Variants in PRORP observed in about 807,000 individuals in gnomAD.
PRORP encodes protein only RNase P catalytic subunit.
A neutral mutation model predicts 59.4 loss-of-function variants in PRORP; 51 were observed. The ratio of observed to expected loss-of-function variants is 0.86; its 90% confidence interval spans 0.69 to 1.08. PRORP has a LOEUF of 1.08. Among genes scored for constraint, PRORP ranks in the 50% least tolerant of loss-of-function variants. The pLI is 0.00. For missense variants in PRORP, 646 were observed against 690.3 expected (o/e 0.94, Z 0.72); for synonymous variants, 231 against 245.6 (o/e 0.94, Z 0.55).
At chr14:35,269,933 C>T (rs2051142864) in intron 6 of PRORP, among the ~76,000 whole-genome samples, 1 of 152,164 alleles carries the variant, frequency 6.6e-6, no homozygotes, top group African/African-American at 2.4e-5. Flanking sequence ...TGTCTAGAAG[C>T]TGCTCTGAAA....
chr14:35,248,820 CAA>C (rs2050544742), intron 5 of PRORP, among the ~76,000 whole-genome samples: 1 of 152,182 alleles, frequency 6.6e-6, no homozygotes, highest in African/African-American at 2.4e-5. Flanking sequence ...AAGAGAAAAA[CAA>C]GAGGAACGAA....
chr14:35,266,668 C>A, intron 5 of PRORP, 59 bp from the exon 6 acceptor site: 1 of 1,580,542 alleles, frequency 6.3e-7, no homozygotes, highest in Non-Finnish European at 8.6e-7. Flanking sequence ...GGAAAAATCA[C>A]TCCACTAATT....
chr14:35,159,338 A>G (rs2048002238), intron 4 of PRORP, among the ~76,000 whole-genome samples: 1 of 152,046 alleles, frequency 6.6e-6, no homozygotes, highest in Admixed American at 6.6e-5. Flanking sequence ...TCTAAAATAT[A>G]CTTCTACCTC....
chr14:35,241,143 C>T lies in PRORP; in HGVS notation c.1276-25584C>T, dbSNP rs577027750. Among the ~76,000 whole-genome samples, 3 of 152,158 alleles carry T rather than the reference C, an allele frequency of 2.0e-5. No homozygotes were observed. The East Asian group carries it at 5.8e-4, about 29-fold the overall frequency. On this transcript the variant is annotated intron_variant, in intron 5 of 7. Coordinates refer to ENST00000534898, the MANE Select transcript of PRORP (RefSeq NM_014672.4). ...CTGTAATCCTAGCACTTTGGGAGGC[C>T]AAGGCGGGAGCATCACTTGAGGTCA...
In PRORP at chr14:35,125,834, C is replaced by A. The variant is rs889498658; in HGVS notation, c.987-901C>A. ...GCCAGGAGTTGGAGACCAGCCTGGG[C>A]ATGGTGAAACCCTGTCTCTACAAAT... On this transcript the variant is annotated intron_variant, in intron 2 of 7. Coordinates refer to ENST00000534898, the MANE Select transcript of PRORP (RefSeq NM_014672.4). Among the ~76,000 whole-genome samples the A allele has an allele frequency of 1.2e-4, 18 of 152,210 alleles. 1 individual carries two copies. The highest frequency in any genetic ancestry group is 3.4e-3 in the Middle Eastern group (1 of 294).
Position 35,187,690 on chromosome 14 carries a change from A to G in PRORP, c.1275+6913A>G, listed in dbSNP as rs564899289. On this transcript the variant is annotated intron_variant, in intron 5 of 7. Transcript: ENST00000534898. Reference sequence around the variant, plus strand: ...GGTGATCTGCCTGCCTTGGCCTTCCAAAGTGCTGGGATTACAGGCGTGAGC... The same window carrying G: ...GGTGATCTGCCTGCCTTGGCCTTCCGAAGTGCTGGGATTACAGGCGTGAGC... Among the ~76,000 whole-genome samples the G allele has an allele frequency of 6.6e-5, 10 of 152,030 alleles. No individual in the cohort carries two copies. In the South Asian group the frequency reaches 2.1e-3, roughly 32 times the overall value.
At position 35,274,418 on chromosome 14, in the gene PRORP, C is replaced by T. The variant is rs965415297; in HGVS notation, c.*852C>T. On this transcript the variant is annotated 3_prime_UTR_variant, in exon 8 of 8. Transcript: ENST00000534898. ...TCCCCAGCAATTTGGGAGATTGAAG[C>T]GAGAGAATCACTTGAGTCTAGGAGT... is the stretch of plus-strand genomic sequence containing the variant. 6 of 151,014 alleles carry T rather than the reference C, an allele frequency of 4.0e-5. No homozygotes were observed. The highest frequency in any genetic ancestry group is 6.7e-5 in the Admixed American group (1 of 15,026). 9.4% of individuals were successfully genotyped at this position (151,014 alleles called of 1,614,324 possible).
intron 5 of PRORP, among the ~76,000 whole-genome samples, chr14:35,260,063 G>A (rs2050865856): frequency 7.0e-6 from 1 of 143,846 alleles, no homozygotes; most frequent in South Asian, 2.2e-4. Context: ...GCAGGCTGGA[G>A]TGCAGTGGCA....
chr14:35,160,195 A>T (rs2048022458), intron 4 of PRORP, among the ~76,000 whole-genome samples: 1 of 152,204 alleles, frequency 6.6e-6, no homozygotes, highest in South Asian at 2.1e-4. Context: ...ATTTGAGCTG[A>T]TGAATGTTCC....
At chr14:35,206,240 G>A (rs1198564438) in intron 5 of PRORP, among the ~76,000 whole-genome samples, 3 of 152,186 alleles carry the variant, frequency 2.0e-5, no homozygotes, top group African/African-American at 4.8e-5. Context: ...GGTGAAGAAG[G>A]TTTGTTTTTC....
At chr14:35,187,338 A>T (rs1277041417) in intron 5 of PRORP, among the ~76,000 whole-genome samples, 5 of 151,930 alleles carry the variant, frequency 3.3e-5, no homozygotes, top group African/African-American at 1.2e-4. Flanking sequence ...CTTTTTGATT[A>T]TAGTCATCCT....
At chr14:35,185,770 G>C (rs1474235521) in intron 5 of PRORP, among the ~76,000 whole-genome samples, 1 of 152,282 alleles carries the variant, frequency 6.6e-6, no homozygotes, top group Admixed American at 6.5e-5. Flanking sequence ...TGTGTAATAT[G>C]TCACCATGAG....
At chr14:35,138,903 G>T (rs2047427140) in intron 4 of PRORP, among the ~76,000 whole-genome samples, 1 of 144,770 alleles carries the variant, frequency 6.9e-6, no homozygotes, top group African/African-American at 2.4e-5. Flanking sequence ...TGAGTCTCCT[G>T]CCTCAGCCTC....
At chr14:35,181,798 A>G (rs1189810906) in intron 5 of PRORP, among the ~76,000 whole-genome samples, 2 of 151,306 alleles carry the variant, frequency 1.3e-5, no homozygotes, top group Non-Finnish European at 2.9e-5. Context: ...AAAAAAAAAA[A>G]AAAGTAATGA....
intron 2 of PRORP, among the ~76,000 whole-genome samples, chr14:35,125,741 G>T (rs1008323041): frequency 6.6e-6 from 1 of 152,196 alleles, no homozygotes; most frequent in Non-Finnish European, 1.5e-5. Flanking sequence ...GCTGGATTTG[G>T]CTGGGTGCTG....
intron 4 of PRORP, among the ~76,000 whole-genome samples, chr14:35,159,848 A>G (rs1416181135): frequency 6.6e-6 from 1 of 152,218 alleles, no homozygotes; most frequent in Non-Finnish European, 1.5e-5. Flanking sequence ...ACTCAGTAAC[A>G]CTTGCTGTTT....
intron 3 of PRORP, 25 bp downstream of exon 3, chr14:35,126,807 C>T: frequency 6.3e-7 from 1 of 1,584,736 alleles, no homozygotes; most frequent in South Asian, 1.1e-5. Context: ...TTATTTTTAA[C>T]TTGTTTGATT....
At chr14:35,256,326 C>CTTTTTTTTT (rs1178856754) in intron 5 of PRORP, among the ~76,000 whole-genome samples, 2 of 82,814 alleles carry the variant, frequency 2.4e-5, no homozygotes, top group African/African-American at 1.1e-4. Context: ...TTGTGCGTAT[C>CTTTTTTTTT]TTTTTTTTTT....
intron 5 of PRORP, among the ~76,000 whole-genome samples, chr14:35,217,162 T>C (rs2049621460): frequency 1.3e-5 from 2 of 152,126 alleles, no homozygotes; most frequent in South Asian, 4.2e-4. Flanking sequence ...GTCCAATCTA[T>C]TTTTTTTCTT....
Sources: gnomAD v4.1 joint callset for allele counts (sites outside exome capture counted in the v4.1 genomes callset) on GRCh38, gnomAD v4.1.1 for gene constraint, MANE v1.5 for transcripts, NCBI Gene and HGNC (gene_info 2026-07-23, HGNC 2026-07-21) for gene names.